The following PTPN13 variants were observed in gnomAD, a reference collection of about 807,000 sequenced individuals.
The protein encoded by PTPN13 is protein tyrosine phosphatase non-receptor type 13.
In PTPN13, 191 loss-of-function variants were observed where a neutral mutation model predicts 284.0. That is an observed-to-expected ratio of 0.67 (90% CI 0.60 to 0.76). The LOEUF (loss-of-function observed/expected upper bound fraction) is 0.76. Among genes scored for constraint, PTPN13 ranks in the 30% least tolerant of loss-of-function variants. The probability of loss-of-function intolerance (pLI) is 0.00; values close to 1 mark genes in which losing one functional copy is unlikely to be tolerated. For synonymous variants in PTPN13, 986 were observed against 1,022.3 expected (o/e 0.96, Z 0.68); for missense variants, 2,797 against 2,939.9 (o/e 0.95, Z 1.12).
chr4:86,650,801 G>A (rs760918149), intron 2 of PTPN13, among the ~76,000 whole-genome samples: 7 of 152,012 alleles, frequency 4.6e-5, no homozygotes, highest in South Asian at 2.1e-4. Context: ...TTTGTTTATC[G>A]GTTCCAAAGG....
chr4:86,750,312 T>G (rs1737237739), intron 17 of PTPN13, among the ~76,000 whole-genome samples, 158 bp from the exon 18 acceptor site: 1 of 152,164 alleles, frequency 6.6e-6, no homozygotes, highest in South Asian at 2.1e-4. Context: ...TCTTCAACCC[T>G]CCTTTTTAAA....
chr4:86,666,983 C>T (rs1247361527), intron 2 of PTPN13, among the ~76,000 whole-genome samples: 5 of 152,120 alleles, frequency 3.3e-5, no homozygotes, highest in South Asian at 2.1e-4. Flanking sequence ...CTTGCTTGTC[C>T]GTCTGCAGCT....
chr4:86,810,003 C>A lies in PTPN13; in HGVS notation c.7299+19C>A, dbSNP rs527373890. On this transcript the variant is annotated intron_variant, in intron 46 of 47. Transcript: ENST00000411767. ...TCTTGATGTGAGTACAAGATATTGG[C>A]TGAGTAAGCATTTGTTCAGAAATAA... The A allele has an allele frequency of 1.9e-6, 3 of 1,591,564 alleles. No individual in the cohort carries two copies. The South Asian group carries it at 3.3e-5, about 18-fold the overall frequency.
At chr4:86,758,418 C>T (rs1160644637) in intron 21 of PTPN13, 69 bp downstream of exon 21, 2 of 1,302,476 alleles carry the variant, frequency 1.5e-6, no homozygotes, top group African/African-American at 1.5e-5. Context: ...TATAGCATAG[C>T]ATTGGCATTG....
At chr4:86,598,422 G>A (rs1380456476) in intron 1 of PTPN13, among the ~76,000 whole-genome samples, 1 of 152,212 alleles carries the variant, frequency 6.6e-6, no homozygotes, top group African/African-American at 2.4e-5. Context: ...TGGGATTACA[G>A]GCGTGAGCCA....
chr4:86,702,998 T>G (rs1292994365), intron 7 of PTPN13, among the ~76,000 whole-genome samples: 4 of 152,114 alleles, frequency 2.6e-5, no homozygotes, highest in Non-Finnish European at 1.5e-5. Context: ...CAGGCATAGC[T>G]CTGGAGCTGA....
chr4:86,751,266 G>T, intron 19 of PTPN13, 142 bp downstream of exon 19: 3 of 639,752 alleles, frequency 4.7e-6, no homozygotes, highest in Non-Finnish European at 8.3e-6. Context: ...TACTTAAAAT[G>T]CACCAAATCA....
At position 86,811,120 on chromosome 4, in the gene PTPN13, C is replaced by A. The variant is rs1391763748; in HGVS notation, c.7362+12C>A. 2 of 1,604,870 alleles carry A rather than the reference C, an allele frequency of 1.2e-6. No homozygotes were observed. The highest frequency in any genetic ancestry group is 1.7e-6 in the Non-Finnish European group (2 of 1,173,588). On this transcript the variant is annotated intron_variant, in intron 47 of 47. Coordinates refer to ENST00000411767, the MANE Select transcript of PTPN13 (RefSeq NM_080683.3). ...TGGTTCAGACAGAGGTGAGTCATGG[C>A]TGGGCCTCCTAATGAGAATTTTTGT...
chr4:86,611,891 A>T (rs1719927480), intron 1 of PTPN13, among the ~76,000 whole-genome samples: 1 of 152,238 alleles, frequency 6.6e-6, no homozygotes, highest in Admixed American at 6.5e-5. Flanking sequence ...AAAGGACCAG[A>T]GGCCTGACAA....
Position 86,771,237 on chromosome 4 carries a change from G to T in PTPN13, c.4870G>T (p.Val1624Leu). The T allele has an allele frequency of 6.2e-7, 1 of 1,611,150 alleles. No homozygotes were observed. Among genetic ancestry groups the T allele is most frequent in the Non-Finnish European group, 8.5e-7 (1 of 1,178,680 alleles). ...SSKDSSQPSC[V>L]EQSTSSDENE... is the part of the protein sequence containing the mutation. ...TAAAGACTCTTCTCAGCCATCATGTGTGGAGCAAAGCACCAGCTCAGATGA... is the reference window on the plus strand; with the variant it reads ...TAAAGACTCTTCTCAGCCATCATGTTTGGAGCAAAGCACCAGCTCAGATGA... The change falls in exon 31 of 48, where the codon GTG becomes TTG. Residue 1624 changes from valine (V) to leucine (L), a missense_variant. Val to Leu is a conservative substitution (Grantham distance 32). Transcript: ENST00000411767.
At chr4:86,626,850 G>T (rs967122451) in intron 1 of PTPN13, among the ~76,000 whole-genome samples, 3 of 152,036 alleles carry the variant, frequency 2.0e-5, no homozygotes, top group African/African-American at 7.2e-5. Flanking sequence ...TTACTCAAGG[G>T]TCAGCTGTAT....
chr4:86,750,909 C>A, intron 18 of PTPN13, 22 bp downstream of exon 18: 1 of 1,594,766 alleles, frequency 6.3e-7, no homozygotes, highest in African/African-American at 1.3e-5. Context: ...TTAACTAACC[C>A]AATTACATAT....
In PTPN13 at chr4:86,772,850, T is replaced by C. The variant is rs1740161347; in HGVS notation, c.5241T>C (p.Ser1747=). The change falls in exon 32 of 48, where the codon TCT becomes TCC. Residue 1747 remains serine (S), a synonymous_variant. Coordinates refer to ENST00000411767, the MANE Select transcript of PTPN13 (RefSeq NM_080683.3). ...AACCCCAATCAGAATCTGCTTCCTC[T>C]AGTTCGATGGATAAGTATCATATAC... ...SYQPQSESAS[S]SSMDKYHIHH... is the part of the protein sequence containing the mutation. 6.2e-7 allele frequency: 1 copy of C among 1,613,368 alleles called. No individual in the cohort carries two copies. Among genetic ancestry groups the C allele is most frequent in the Admixed American group, 1.7e-5 (1 of 60,006 alleles).
chr4:86,769,973 T>C lies in PTPN13; in HGVS notation c.4694T>C (p.Leu1565Pro). The change falls in exon 29 of 48, where the codon CTA becomes CCA. Residue 1565 changes from leucine to proline, a missense_variant. Physicochemically the swap from Leu to Pro is moderately conservative, Grantham distance 98. Coordinates refer to ENST00000411767, the MANE Select transcript of PTPN13 (RefSeq NM_080683.3). The stretch of plus-strand genomic sequence containing the variant: ...GTGAATGGAGCCTCTTTGAAAGGAC[T>C]ATCTCAGCAGGTGAGCCCCTAGCAT... ...LKVNGASLKG[L>P]SQQEVISALR... 1.2e-6 allele frequency: 2 copies of C among 1,613,930 alleles called. No homozygotes were observed. The highest frequency in any genetic ancestry group is 1.7e-6 in the Non-Finnish European group (2 of 1,179,844).
chr4:86,686,148 G>C (rs1196315456), intron 3 of PTPN13, among the ~76,000 whole-genome samples: 3 of 152,142 alleles, frequency 2.0e-5, no homozygotes. Context: ...GATTACCTGA[G>C]GTCAGGAATT....
chr4:86,597,413 A>G (rs1280486237), intron 1 of PTPN13, among the ~76,000 whole-genome samples: 2 of 152,002 alleles, frequency 1.3e-5, no homozygotes, highest in Non-Finnish European at 2.9e-5. Context: ...AATTTTGTTT[A>G]TTTTATTTTT....
intron 31 of PTPN13, 122 bp from the exon 32 acceptor site, chr4:86,772,656 A>C (rs1448713944): frequency 1.3e-6 from 1 of 757,844 alleles, no homozygotes; most frequent in Non-Finnish European, 2.1e-6. Flanking sequence ...TACAAAAAGT[A>C]ACTAGGATCT....
chr4:86,660,978 T>G (rs1726418910), intron 2 of PTPN13, among the ~76,000 whole-genome samples: 3 of 152,198 alleles, frequency 2.0e-5, no homozygotes, highest in Admixed American at 1.3e-4. Flanking sequence ...GTTTAAATTT[T>G]TATACTTAAC....
At chr4:86,601,266 A>T (rs1005382115) in intron 1 of PTPN13, among the ~76,000 whole-genome samples, 1 of 151,742 alleles carries the variant, frequency 6.6e-6, no homozygotes, top group African/African-American at 2.4e-5. Context: ...TCGGTTATCA[A>T]ATCTACACCA....
Sources: gnomAD v4.1 joint callset for allele counts (sites outside exome capture counted in the v4.1 genomes callset) on GRCh38, gnomAD v4.1.1 for gene constraint, MANE v1.5 for transcripts, NCBI Gene and HGNC (gene_info 2026-07-23, HGNC 2026-07-21) for gene names.